Variants in TENM1 observed in about 807,000 individuals in gnomAD.
TENM1 encodes the protein teneurin transmembrane protein 1.
A neutral mutation model predicts 174.8 loss-of-function variants in TENM1; 35 were observed. The observed-to-expected ratio is 0.20, with a 90% CI of 0.15 to 0.27. TENM1 has a LOEUF of 0.27. TENM1 is among the 10% of genes least tolerant of loss of function. The pLI is 1.00. For synonymous variants in TENM1, 781 were observed against 798.7 expected, an observed-to-expected ratio of 0.98 and a Z score of 0.37; for missense variants, 1,633 against 2,130.1, an observed-to-expected ratio of 0.77 and a Z score of 4.59.
intron 1 of TENM1, among the ~76,000 whole-genome samples, chrX:124,905,286 G>C (rs1249905394): frequency 9.0e-6 from 1 of 111,268 alleles, no homozygotes; most frequent in South Asian, 3.8e-4. Context: ...AGGTGACAGT[G>C]TGAGACCTCA....
intron 3 of TENM1, among the ~76,000 whole-genome samples, chrX:124,872,628 T>A (rs187064686): frequency 4.5e-5 from 5 of 112,288 alleles, no homozygotes; most frequent in Non-Finnish European, 3.8e-5. Flanking sequence ...AATTGTTAAA[T>A]GAAAAATACA....
chrX:125,033,709 C>A, the TENM1 span, among the ~76,000 whole-genome samples: 5 of 108,837 alleles, frequency 4.6e-5, no homozygotes, highest in African/African-American at 6.9e-5. Flanking sequence ...TGAATAGCTG[C>A]AGATTTGCTT....
the TENM1 span, among the ~76,000 whole-genome samples, chrX:125,095,636 T>C: frequency 0.12 from 13,774 of 111,626 alleles, 721 homozygotes; most frequent in Admixed American, 0.29. Context: ...CAAGAAACTA[T>C]TCCTTCAGAC....
the TENM1 span, among the ~76,000 whole-genome samples, chrX:125,053,171 A>C: frequency 1.8e-5 from 2 of 112,129 alleles, no homozygotes; most frequent in Non-Finnish European, 3.8e-5. Context: ...GTCCAATTTA[A>C]TTGTAGTTAA....
chrX:124,893,894 A>G (rs746560399), intron 3 of TENM1, among the ~76,000 whole-genome samples: 1 of 111,787 alleles, frequency 8.9e-6, no homozygotes, highest in South Asian at 3.8e-4. Flanking sequence ...GCCAACTGCT[A>G]GGCAACATCT....
At chrX:124,761,710 A>T (rs943925086) in intron 3 of TENM1, among the ~76,000 whole-genome samples, 1 of 111,641 alleles carries the variant, frequency 9.0e-6, no homozygotes, top group Admixed American at 9.5e-5. Context: ...ATAAAAAAAC[A>T]TGAATGGGAT....
At chrX:124,403,739 T>A (rs764639852) in intron 27 of TENM1, among the ~76,000 whole-genome samples, 2 of 110,797 alleles carry the variant, frequency 1.8e-5, no homozygotes, top group African/African-American at 6.6e-5. Context: ...TGCCTTCTAC[T>A]TTTAAACTTA....
chrX:125,064,791 T>G, the TENM1 span, among the ~76,000 whole-genome samples: 15,502 of 110,370 alleles, frequency 0.14, 2,716 homozygotes, highest in African/African-American at 0.48. Flanking sequence ...GTAATTTTAG[T>G]AAAGACAGGG....
chrX:124,961,701 A>G lies in TENM1; in HGVS notation c.217+1836T>C, dbSNP rs770478398. Among the ~76,000 whole-genome samples, 3 of 111,745 alleles carry G rather than the reference A, an allele frequency of 2.7e-5. No homozygotes were observed. In the South Asian group the frequency reaches 1.1e-3, roughly 42 times the overall value. Reference sequence around the variant, plus strand: ...GTTCACAGAGGAAGATCACCTACACAGTGAAACAGTGATGATGTTGGGGGT... The same window carrying G: ...GTTCACAGAGGAAGATCACCTACACGGTGAAACAGTGATGATGTTGGGGGT... On this transcript the variant is annotated intron_variant, in intron 1 of 31. Coordinates refer to ENST00000422452, the Ensembl canonical transcript of TENM1.
At chrX:124,659,781 A>G (rs1248370007) in intron 6 of TENM1, among the ~76,000 whole-genome samples, 1 of 112,087 alleles carries the variant, frequency 8.9e-6, no homozygotes, top group Non-Finnish European at 1.9e-5. Flanking sequence ...GGATAGATAT[A>G]TAGATCAATG....
rs202056765 is a variant in TENM1, at chrX:124,644,210, C to CATATATATATATATATATATATATAT, written c.1876+932_1876+933insATATATATATATATATATATATATAT. On this transcript the variant is annotated intron_variant, in intron 10 of 31. Transcript: ENST00000422452. Reference sequence around the variant, plus strand: ...ACATATATATATAAATTTACATATACATATATATATATATATGGCAGATAT... The same window carrying CATATATATATATATATATATATATAT: ...ACATATATATATAAATTTACATATACATATATATATATATATATATATATATATATATATATATATATGGCAGATAT... 3.7e-4 allele frequency among the ~76,000 whole-genome samples: 35 copies of CATATATATATATATATATATATATAT among 95,650 alleles called. 1 individual carries two copies. Among genetic ancestry groups the CATATATATATATATATATATATATAT allele is most frequent in the African/African-American group, 1.3e-3 (34 of 25,790 alleles). The allele number at this position is 95,650 out of a possible 115,157, so 83.1% of individuals were successfully genotyped here. A position where few individuals can be genotyped will look rare whatever the true frequency, so the allele number is the denominator to read the frequency against.
upstream of TENM1, among the ~76,000 whole-genome samples, chrX:124,964,118 G>C (rs1265599489): frequency 3.6e-5 from 4 of 112,381 alleles, no homozygotes; most frequent in African/African-American, 9.7e-5. Context: ...TCTATGGTGT[G>C]TGCGTGTTTT....
chrX:124,784,280 A>C (rs2054986303), intron 3 of TENM1, among the ~76,000 whole-genome samples: 1 of 111,558 alleles, frequency 9.0e-6, no homozygotes, highest in African/African-American at 3.3e-5. Context: ...TTTAAAGTAG[A>C]TACTATAACT....
At chrX:124,756,080 G>T (rs990943756) in intron 3 of TENM1, among the ~76,000 whole-genome samples, 4 of 105,493 alleles carry the variant, frequency 3.8e-5, no homozygotes, top group African/African-American at 1.5e-4. Context: ...ATCCTGCAGA[G>T]CATTTTCCAA....
At chrX:124,393,595 TAA>T (rs1333764407) in intron 27 of TENM1, among the ~76,000 whole-genome samples, 14 of 112,123 alleles carry the variant, frequency 1.2e-4, no homozygotes, top group African/African-American at 4.2e-4. Context: ...TCAGTTTAGT[TAA>T]GTTTTAGTTT....
At chrX:124,816,289 G>A (rs1324738354) in intron 3 of TENM1, among the ~76,000 whole-genome samples, 1 of 111,801 alleles carries the variant, frequency 8.9e-6, no homozygotes, top group African/African-American at 3.2e-5. Flanking sequence ...AAGAACTACA[G>A]ATCATTAAAA....
chrX:124,785,012 A>G, intron 3 of TENM1, among the ~76,000 whole-genome samples: 1 of 111,956 alleles, frequency 8.9e-6, no homozygotes, highest in African/African-American at 3.2e-5. Flanking sequence ...GTATATTTCT[A>G]TTCTTTGGCT....
At position 124,453,071 on chromosome X, in the gene TENM1, C is replaced by T. The variant is rs2061062000; in HGVS notation, c.4104+266G>A. Reference sequence around the variant, plus strand: ...TATTCAATAAATGAGATTGGCCTTACCCTCTGATTAATTCAAGCTTGAGAG... The same window carrying T: ...TATTCAATAAATGAGATTGGCCTTATCCTCTGATTAATTCAAGCTTGAGAG... On this transcript the variant is annotated intron_variant, in intron 23 of 31. Transcript: ENST00000422452. Among the ~76,000 whole-genome samples, 2 of 111,158 alleles carry T rather than the reference C, an allele frequency of 1.8e-5. 1 individual carries two copies. Among genetic ancestry groups the T allele is most frequent in the East Asian group, 5.6e-4 (2 of 3,561 alleles).
chrX:125,031,328 G>C, the TENM1 span, among the ~76,000 whole-genome samples: 1 of 111,108 alleles, frequency 9.0e-6, no homozygotes, highest in African/African-American at 3.3e-5. Context: ...AAATTAAGGA[G>C]TTGTTGCCAT....
Sources: allele counts gnomAD v4.1 joint callset (sites outside exome capture counted in the v4.1 genomes callset), GRCh38; gene constraint gnomAD v4.1.1; transcripts MANE v1.5; gene names NCBI Gene and HGNC (gene_info 2026-07-23, HGNC 2026-07-21).